The following EPDR1 variants were observed in gnomAD, a reference collection of about 807,000 sequenced individuals.
The protein encoded by EPDR1 is mammalian ependymin-related protein 1.
A neutral mutation model predicts 23.7 loss-of-function variants in EPDR1; 27 were observed. The ratio of observed to expected loss-of-function variants is 1.14; its 90% CI spans 0.84 to 1.57. EPDR1 has a LOEUF of 1.57. Ranked by LOEUF, EPDR1 falls within the 40% of genes most tolerant of loss-of-function variation. EPDR1 has a pLI of 0.00. For missense variants in EPDR1, 349 were observed against 290.4 expected (o/e 1.20, Z -1.47); for synonymous variants, 137 against 118.2 (o/e 1.16, Z -1.03).
chr7:37,938,666 T>C (rs1362975874), intron 1 of EPDR1, among the ~76,000 whole-genome samples: 1 of 152,248 alleles, frequency 6.6e-6, no homozygotes, highest in Non-Finnish European at 1.5e-5. Flanking sequence ...TTGCTTTGAT[T>C]GTGCTTTGTC....
intron 1 of EPDR1, among the ~76,000 whole-genome samples, chr7:37,940,952 G>T (rs1417593739): frequency 6.6e-6 from 1 of 152,110 alleles, no homozygotes; most frequent in East Asian, 1.9e-4. Context: ...CCTGATTTCA[G>T]ATCTGGGACA....
chr7:37,943,450 C>T (rs1786209669), intron 1 of EPDR1, among the ~76,000 whole-genome samples: 2 of 152,206 alleles, frequency 1.3e-5, no homozygotes. Context: ...AGGCCACAGG[C>T]CCTGTATTCT....
chr7:37,923,083 A>G (rs141792932), intron 1 of EPDR1, among the ~76,000 whole-genome samples: 206 of 152,316 alleles, frequency 1.4e-3, no homozygotes, highest in African/African-American at 4.9e-3. Context: ...GCTGAAGCCC[A>G]GGACATGGCG....
In EPDR1 at chr7:37,950,367, GAGA is replaced by G. The variant is rs778341905; in HGVS notation, c.650_652del (p.Lys217del). On this transcript the variant is annotated inframe_deletion, in exon 3 of 3. Coordinates refer to ENST00000199448, the MANE Select transcript of EPDR1 (RefSeq NM_017549.5). ...AAGCACGTGCCAGATGGCCCAACTGGAGAAGATGAGCGAAGACTGCTCCTGGTG... is the reference window on the plus strand; with the variant it reads ...AAGCACGTGCCAGATGGCCCAACTGGAGATGAGCGAAGACTGCTCCTGGTG... 1.5e-5 allele frequency: 24 copies of G among 1,613,584 alleles called. No individual in the cohort carries two copies. The highest frequency in any genetic ancestry group is 1.9e-5 in the Non-Finnish European group (22 of 1,179,772).
chr7:37,921,223 C>A lies in EPDR1; in HGVS notation c.269+15C>A. The A allele has an allele frequency of 6.4e-7, 1 of 1,573,932 alleles. No homozygotes were observed. Among genetic ancestry groups the A allele is most frequent in the East Asian group, 2.3e-5 (1 of 43,036 alleles). Reference sequence around the variant, plus strand: ...CCCTGCAAGAGGTACAGGTCATCGGCCCGCGGGGCGGGAGTAGGGAGCCGC... The same window carrying A: ...CCCTGCAAGAGGTACAGGTCATCGGACCGCGGGGCGGGAGTAGGGAGCCGC... On this transcript the variant is annotated intron_variant, in intron 1 of 2. Coordinates refer to ENST00000199448, the MANE Select transcript of EPDR1 (RefSeq NM_017549.5).
intron 1 of EPDR1, among the ~76,000 whole-genome samples, chr7:37,931,996 C>T (rs961718170): frequency 1.3e-5 from 2 of 152,212 alleles, no homozygotes; most frequent in Non-Finnish European, 2.9e-5. Context: ...GCGTGAGCCA[C>T]CGCGCCCGGT....
At chr7:37,948,696 A>C in intron 1 of EPDR1, 144 bp from the exon 2 acceptor site, 1 of 637,644 alleles carries the variant, frequency 1.6e-6, no homozygotes, top group Non-Finnish European at 2.8e-6. Context: ...TCATGTGCCT[A>C]GTGTTTATAA....
chr7:37,932,398 A>G (rs774490478), intron 1 of EPDR1, among the ~76,000 whole-genome samples: 8 of 152,158 alleles, frequency 5.3e-5, no homozygotes, highest in Non-Finnish European at 1.0e-4. Flanking sequence ...CGGCCTCCCA[A>G]GTATCTGGGA....
chr7:37,950,985 G>T lies in EPDR1; in HGVS notation c.*589G>T, dbSNP rs1786395294. ...AAGAATTTTATGGCATGGCCCAATT[G>T]ATATAAACATTTAGAAGGAAATGAA... is the stretch of plus-strand genomic sequence containing the variant. On this transcript the variant is annotated 3_prime_UTR_variant, in exon 3 of 3. Coordinates refer to ENST00000199448, the MANE Select transcript of EPDR1 (RefSeq NM_017549.5). 1 of 152,100 alleles carries T rather than the reference G, an allele frequency of 6.6e-6. No individual in the cohort carries two copies. Among genetic ancestry groups the T allele is most frequent in the Non-Finnish European group, 1.5e-5 (1 of 68,034 alleles). The allele number at this position is 152,100 out of a possible 1,614,324, so 9.4% of individuals were successfully genotyped here.
Position 37,921,162 on chromosome 7 carries a change from C to G in EPDR1, c.223C>G (p.Arg75Gly). The G allele has an allele frequency of 6.3e-7, 1 of 1,594,744 alleles. No individual in the cohort carries two copies. The highest frequency in any genetic ancestry group is 8.5e-7 in the Non-Finnish European group (1 of 1,178,286). The change falls in exon 1 of 3, where the codon CGC becomes GGC. Residue 75 changes from arginine to glycine, a missense_variant. Coordinates refer to ENST00000199448, the MANE Select transcript of EPDR1 (RefSeq NM_017549.5). ...GCTCTCCTACGACGGGCTCAACCAG[C>G]GCGTGCGGGTGCTGGACGAGAGGAA... is the stretch of plus-strand genomic sequence containing the variant. Reference protein sequence around the residue: ...ALLSYDGLNQRVRVLDERKAL... With the variant: ...ALLSYDGLNQGVRVLDERKAL...
intron 1 of EPDR1, among the ~76,000 whole-genome samples, chr7:37,922,665 T>TGG (rs145894040): frequency 0.23 from 35,012 of 149,446 alleles, 4,040 homozygotes; most frequent in African/African-American, 0.25. Flanking sequence ...TTGAGGAAGC[T>TGG]AGGGGGGGGT....
Position 37,948,356 on chromosome 7 carries a change from T to C in EPDR1, c.270-484T>C, listed in dbSNP as rs865904629. Reference sequence around the variant, plus strand: ...TTTTGACCTCAATTTTTTTTTTTTTTTTTTGATGGTGGACGGGATCTCACC... The same window carrying C: ...TTTTGACCTCAATTTTTTTTTTTTTCTTTTGATGGTGGACGGGATCTCACC... On this transcript the variant is annotated intron_variant, in intron 1 of 2. Coordinates refer to ENST00000199448, the MANE Select transcript of EPDR1 (RefSeq NM_017549.5). 2.0e-4 allele frequency among the ~76,000 whole-genome samples: 31 copies of C among 151,808 alleles called. No homozygotes were observed. The South Asian group carries it at 4.0e-3, about 19-fold the overall frequency.
chr7:37,943,970 G>A (rs1341584388), intron 1 of EPDR1, among the ~76,000 whole-genome samples: 3 of 152,190 alleles, frequency 2.0e-5, no homozygotes, highest in East Asian at 3.9e-4. Flanking sequence ...GCCACACAGG[G>A]CCATGCTGGG....
At chr7:37,923,250 G>A (rs779039653) in intron 1 of EPDR1, among the ~76,000 whole-genome samples, 20 of 152,190 alleles carry the variant, frequency 1.3e-4, no homozygotes, top group Non-Finnish European at 2.2e-4. Context: ...GGAGATTGTC[G>A]TAGTGGTCCA....
At chr7:37,940,112 A>T (rs1157523936) in intron 1 of EPDR1, among the ~76,000 whole-genome samples, 1 of 152,216 alleles carries the variant, frequency 6.6e-6, no homozygotes, top group Non-Finnish European at 1.5e-5. Flanking sequence ...AAATAGGGAT[A>T]GTCTGTAGGC....
chr7:37,925,325 T>G (rs924246292), intron 1 of EPDR1, among the ~76,000 whole-genome samples: 7 of 152,202 alleles, frequency 4.6e-5, no homozygotes, highest in Non-Finnish European at 1.0e-4. Context: ...TCAATGAAGC[T>G]CTTAATGCAG....
chr7:37,921,298 T>C, intron 1 of EPDR1, 90 bp downstream of exon 1: 10 of 1,463,186 alleles, frequency 6.8e-6, no homozygotes, highest in Non-Finnish European at 8.0e-6. Flanking sequence ...TGTAACTCTT[T>C]CCGGCCCCTT....
chr7:37,950,871 T>G lies in EPDR1; in HGVS notation c.*475T>G, dbSNP rs2598094. The G allele has an allele frequency of 0.92, 140,393 of 152,956 alleles. 64,666 individuals carry two copies. The highest frequency in any genetic ancestry group is 0.94 in the Admixed American group (14,407 of 15,382). The allele number at this position is 152,956 out of a possible 1,614,324, so 9.5% of individuals were successfully genotyped here. On this transcript the variant is annotated 3_prime_UTR_variant, in exon 3 of 3. Coordinates refer to ENST00000199448, the MANE Select transcript of EPDR1 (RefSeq NM_017549.5). The stretch of plus-strand genomic sequence containing the variant: ...GCCCCCTTTATTGCTGCACCAGGGT[T>G]GGCATTGCTCCCACTGAGCCCTACT...
At chr7:37,923,144 T>C (rs778188650) in intron 1 of EPDR1, among the ~76,000 whole-genome samples, 3 of 152,186 alleles carry the variant, frequency 2.0e-5, no homozygotes, top group Non-Finnish European at 4.4e-5. Flanking sequence ...TTAGATTATA[T>C]AAAGATCCCT....
Sources: gnomAD v4.1 joint callset for allele counts (sites outside exome capture counted in the v4.1 genomes callset) on GRCh38, gnomAD v4.1.1 for gene constraint, MANE v1.5 for transcripts, NCBI Gene and HGNC (gene_info 2026-07-23, HGNC 2026-07-21) for gene names.